The following PSD3 variants were observed in gnomAD, a reference collection of about 807,000 sequenced individuals.
The protein encoded by PSD3 is PH and SEC7 domain-containing protein 3.
A neutral mutation model predicts 105.5 loss-of-function variants in PSD3; 49 were observed. That is an observed-to-expected ratio of 0.46 (90% CI 0.37 to 0.59). The LOEUF (loss-of-function observed/expected upper bound fraction) is 0.59. PSD3 is among the 20% of genes least tolerant of loss of function. The pLI is 0.00. For synonymous variants in PSD3, 557 were observed against 457.8 expected (o/e 1.22, Z -2.77); for missense variants, 1,561 against 1,263.8 (o/e 1.24, Z -3.57).
chr8:18,961,843 G>T (rs1823947568), intron 1 of PSD3, among the ~76,000 whole-genome samples: 5 of 152,086 alleles, frequency 3.3e-5, no homozygotes, highest in Admixed American at 3.3e-4. Context: ...CTGGCCAAAA[G>T]TATGTGTGCT....
chr8:18,568,294 T>A (rs1422798578), intron 14 of PSD3, among the ~76,000 whole-genome samples: 5 of 141,886 alleles, frequency 3.5e-5, no homozygotes, highest in African/African-American at 1.3e-4. Context: ...TTTCCCCCCT[T>A]TCTTGGCACA....
At chr8:18,719,091 GA>G (rs35592282) in intron 9 of PSD3, among the ~76,000 whole-genome samples, 4,978 of 152,254 alleles carry the variant, frequency 0.033, 208 homozygotes, top group East Asian at 0.15. Flanking sequence ...GACAGAGATC[GA>G]AAATTAGGTG....
At chr8:18,915,970 C>A (rs1820557458) in intron 2 of PSD3, among the ~76,000 whole-genome samples, 1 of 151,966 alleles carries the variant, frequency 6.6e-6, no homozygotes, top group Non-Finnish European at 1.5e-5. Context: ...GTGGCACATG[C>A]CTGTAATCCC....
intron 4 of PSD3, among the ~76,000 whole-genome samples, chr8:18,838,825 A>G (rs1814370308): frequency 7.3e-6 from 1 of 136,484 alleles, no homozygotes; most frequent in Non-Finnish European, 1.7e-5. Context: ...AATAATAATA[A>G]TAATAATAAT....
At chr8:18,806,173 T>A (rs754443210) in intron 4 of PSD3, among the ~76,000 whole-genome samples, 1 of 152,190 alleles carries the variant, frequency 6.6e-6, no homozygotes, top group Non-Finnish European at 1.5e-5. Context: ...TTATTTTGAG[T>A]GCATGACAGT....
At chr8:18,588,193 T>A (rs1803337074) in intron 12 of PSD3, among the ~76,000 whole-genome samples, 2 of 152,204 alleles carry the variant, frequency 1.3e-5, no homozygotes, top group Admixed American at 6.5e-5. Flanking sequence ...TAGATGCCCA[T>A]AAGGTCTTCC....
intron 1 of PSD3, among the ~76,000 whole-genome samples, chr8:18,960,292 A>G (rs1367919356): frequency 5.3e-5 from 8 of 152,224 alleles, no homozygotes; most frequent in African/African-American, 1.9e-4. Context: ...AGGAATCTTA[A>G]GAAAGAGAAC....
At chr8:18,783,506 T>G (rs769994734) in intron 8 of PSD3, among the ~76,000 whole-genome samples, 3 of 152,238 alleles carry the variant, frequency 2.0e-5, no homozygotes, top group Non-Finnish European at 4.4e-5. Flanking sequence ...AGTTTGCTTT[T>G]GTTTCTTTCA....
At chr8:18,733,585 A>T (rs1209332975) in intron 9 of PSD3, 1 of 152,450 alleles carries the variant, frequency 6.6e-6, no homozygotes, top group Non-Finnish European at 1.5e-5. Flanking sequence ...CTATGCAAGT[A>T]GCCCAGTTGA....
intron 1 of PSD3, among the ~76,000 whole-genome samples, chr8:19,059,475 C>G (rs1828819668): frequency 6.6e-6 from 1 of 152,170 alleles, no homozygotes; most frequent in South Asian, 2.1e-4. Flanking sequence ...TGGTGCAGAA[C>G]AAGAAACTAG....
At chr8:18,796,563 G>C (rs1447429850) in intron 8 of PSD3, among the ~76,000 whole-genome samples, 1 of 152,186 alleles carries the variant, frequency 6.6e-6, no homozygotes, top group Non-Finnish European at 1.5e-5. Flanking sequence ...AAGGAAATTA[G>C]CAGGCCAAAC....
intron 9 of PSD3, among the ~76,000 whole-genome samples, chr8:18,748,258 C>T (rs139045942): frequency 1.3e-5 from 2 of 152,232 alleles, no homozygotes; most frequent in African/African-American, 4.8e-5. Context: ...TCTGTGACTC[C>T]TTTGTATAGA....
intron 14 of PSD3, among the ~76,000 whole-genome samples, chr8:18,572,056 C>T (rs1802175487): frequency 6.6e-6 from 1 of 152,198 alleles, no homozygotes; most frequent in Non-Finnish European, 1.5e-5. Context: ...TCCAAATGTT[C>T]CATTCAGCTC....
intron 11 of PSD3, among the ~76,000 whole-genome samples, chr8:18,616,866 G>A (rs34300970): frequency 2.0e-5 from 3 of 151,342 alleles, no homozygotes; most frequent in East Asian, 3.9e-4. Context: ...CTCGTGATCC[G>A]CCCGCCTCGG....
intron 9 of PSD3, among the ~76,000 whole-genome samples, chr8:18,751,277 T>C (rs1220154571): frequency 1.3e-5 from 2 of 152,216 alleles, no homozygotes; most frequent in African/African-American, 4.8e-5. Context: ...CCGCAGCCGC[T>C]GGCCCGGGTG....
chr8:18,835,213 G>T (rs935065658), intron 4 of PSD3, among the ~76,000 whole-genome samples: 1 of 152,076 alleles, frequency 6.6e-6, no homozygotes, highest in African/African-American at 2.4e-5. Context: ...TTTATTTTAA[G>T]AAAAGAATCA....
At chr8:18,751,439 C>A (rs1007280135) in intron 9 of PSD3, among the ~76,000 whole-genome samples, 25 of 152,236 alleles carry the variant, frequency 1.6e-4, no homozygotes, top group African/African-American at 6.0e-4. Flanking sequence ...AGAAGGGGAG[C>A]GGTGACAGGG....
At chr8:18,646,207 A>G (rs1808023081) in intron 10 of PSD3, among the ~76,000 whole-genome samples, 1 of 152,102 alleles carries the variant, frequency 6.6e-6, no homozygotes, top group African/African-American at 2.4e-5. Context: ...TTTAAAATGA[A>G]AATTACTTTC....
intron 1 of PSD3, among the ~76,000 whole-genome samples, chr8:19,040,149 G>A (rs946164328): frequency 1.3e-5 from 2 of 152,178 alleles, no homozygotes; most frequent in African/African-American, 2.4e-5. Context: ...CCTCTCAAGA[G>A]CCAGGACCCT....
Sources: allele counts gnomAD v4.1 joint callset (sites outside exome capture counted in the v4.1 genomes callset), GRCh38; gene constraint gnomAD v4.1.1; transcripts MANE v1.5; gene names NCBI Gene and HGNC (gene_info 2026-07-23, HGNC 2026-07-21).